KIF13A: variants seen among roughly 807,000 people sequenced by gnomAD.
KIF13A encodes kinesin family member 13A.
In KIF13A, 79 loss-of-function variants were observed where a neutral mutation model predicts 212.2. The ratio of observed to expected loss-of-function variants is 0.37; its 90% CI spans 0.31 to 0.45. The LOEUF (loss-of-function observed/expected upper bound fraction) is 0.45, where lower values mean the gene tolerates loss of function less well. KIF13A is among the 20% of genes least tolerant of loss of function. The probability of loss-of-function intolerance (pLI) is 1.00; values close to 1 mark genes in which losing one functional copy is unlikely to be tolerated. For missense variants in KIF13A, 1,901 were observed against 2,209.0 expected (o/e 0.86, Z 2.79); for synonymous variants, 789 against 808.6 (o/e 0.98, Z 0.41).
chr6:17,837,214 T>G lies in KIF13A; in HGVS notation c.943-124A>C. ...AAGGAAACATTATGTGGAAATGGAC[T>G]TGCATTTCACAAATAACGTCATGAC... On this transcript the variant is annotated intron_variant, in intron 10 of 38. Coordinates refer to ENST00000259711, the MANE Select transcript of KIF13A (RefSeq NM_022113.6). This position sits in a 1 kb window ranked among gnomAD's most constrained non-coding sequence, Gnocchi z 5.4. The G allele has an allele frequency of 3.4e-6, 3 of 878,632 alleles. No individual in the cohort carries two copies. Among genetic ancestry groups the G allele is most frequent in the Non-Finnish European group, 5.4e-6 (3 of 557,132 alleles). 54.4% of individuals were successfully genotyped at this position (878,632 alleles called of 1,614,324 possible).
chr6:17,939,861 A>G (rs1215148227), intron 2 of KIF13A, among the ~76,000 whole-genome samples: 1 of 151,976 alleles, frequency 6.6e-6, no homozygotes, highest in Non-Finnish European at 1.5e-5. Flanking sequence ...GACCACGGTG[A>G]AACCCCGTCT....
chr6:17,983,366 G>C (rs1311031449), intron 2 of KIF13A, among the ~76,000 whole-genome samples: 3 of 152,046 alleles, frequency 2.0e-5, no homozygotes, highest in African/African-American at 7.2e-5. Flanking sequence ...GGGGTGAAGA[G>C]GAAGACATTT....
intron 16 of KIF13A, among the ~76,000 whole-genome samples, chr6:17,821,265 C>T (rs1764408711): frequency 6.6e-6 from 1 of 152,136 alleles, no homozygotes; most frequent in Non-Finnish European, 1.5e-5. Flanking sequence ...TTATTGTCCA[C>T]AAATACTAGG....
chr6:17,972,438 T>A (rs1332884215), intron 2 of KIF13A, among the ~76,000 whole-genome samples: 1 of 152,244 alleles, frequency 6.6e-6, no homozygotes, highest in Non-Finnish European at 1.5e-5. Context: ...TATAAATCTT[T>A]ACACATTCTC....
At chr6:17,878,527 T>G (rs1434572127) in intron 3 of KIF13A, among the ~76,000 whole-genome samples, 1 of 152,102 alleles carries the variant, frequency 6.6e-6, no homozygotes, top group East Asian at 1.9e-4. Flanking sequence ...GCGATCCTCC[T>G]GTCTTGGCTT....
Position 17,947,275 on chromosome 6 carries a change from C to T in KIF13A, c.146+39779G>A, listed in dbSNP as rs1289614732. Among the ~76,000 whole-genome samples the T allele has an allele frequency of 6.6e-6, 1 of 152,066 alleles. No individual in the cohort carries two copies. The highest frequency in any genetic ancestry group is 1.5e-5 in the Non-Finnish European group (1 of 68,014). Reference sequence around the variant, plus strand: ...GTTGGGTGGTGATACAAGGTACTTACATTTTTTTCTTAACTGTTGAAACCA... The same window carrying T: ...GTTGGGTGGTGATACAAGGTACTTATATTTTTTTCTTAACTGTTGAAACCA... On this transcript the variant is annotated intron_variant, in intron 2 of 38. Transcript: ENST00000259711. The surrounding 1 kb of genome is among the most constrained non-coding windows in gnomAD (Gnocchi z 4.6).
At chr6:17,812,439 T>A (rs2150348609) in intron 17 of KIF13A, 1 of 152,328 alleles carries the variant, frequency 6.6e-6, no homozygotes, top group East Asian at 1.9e-4. Context: ...GTATCTGGTG[T>A]TCTGTTCCTG....
chr6:17,868,170 AATGTTCAC>A (rs1326304684), intron 4 of KIF13A, among the ~76,000 whole-genome samples: 1 of 152,242 alleles, frequency 6.6e-6, no homozygotes, highest in African/African-American at 2.4e-5. Flanking sequence ...CAGGCCAGGG[AATGTTCAC>A]ATCCACACTG....
intron 7 of KIF13A, among the ~76,000 whole-genome samples, chr6:17,851,631 A>G (rs1767662590): frequency 6.6e-6 from 1 of 152,360 alleles, no homozygotes; most frequent in Non-Finnish European, 1.5e-5. Flanking sequence ...ACTGCCAAAT[A>G]CTGTTTAGAA....
At chr6:17,791,234 G>C (rs75595136) in intron 25 of KIF13A, among the ~76,000 whole-genome samples, 5 of 151,898 alleles carry the variant, frequency 3.3e-5, no homozygotes, top group Admixed American at 3.3e-4. Flanking sequence ...AGAACAAATG[G>C]CTCTAATTTA....
rs1167667229 is a variant in KIF13A, at chr6:17,918,968, G to A, written c.147-20788C>T. On this transcript the variant is annotated intron_variant, in intron 2 of 38. Coordinates refer to ENST00000259711, the MANE Select transcript of KIF13A (RefSeq NM_022113.6). This position sits in a 1 kb window ranked among gnomAD's most constrained non-coding sequence, Gnocchi z 4.8. ...CGGAAAGAGAGGCTTTGTCTATCTT[G>A]TTCTCTGATACATTCCCAGTGCCTA... is the stretch of plus-strand genomic sequence containing the variant. Among the ~76,000 whole-genome samples, 1 of 152,152 alleles carries A rather than the reference G, an allele frequency of 6.6e-6. No individual in the cohort carries two copies.
rs1026915626 is a variant in KIF13A, at chr6:17,837,264, T to G, written c.943-174A>C. On this transcript the variant is annotated intron_variant, in intron 10 of 38. Coordinates refer to ENST00000259711, the MANE Select transcript of KIF13A (RefSeq NM_022113.6). This position sits in a 1 kb window ranked among gnomAD's most constrained non-coding sequence, Gnocchi z 5.4. Reference sequence around the variant, plus strand: ...CAAGATGAAATGTGTCCTCTCTATATTCAAGCAATGAATAAGGCCTGTCAA... The same window carrying G: ...CAAGATGAAATGTGTCCTCTCTATAGTCAAGCAATGAATAAGGCCTGTCAA... Among the ~76,000 whole-genome samples the G allele has an allele frequency of 6.6e-6, 1 of 152,276 alleles. No individual in the cohort carries two copies. Among genetic ancestry groups the G allele is most frequent in the Non-Finnish European group, 1.5e-5 (1 of 68,046 alleles).
Position 17,912,428 on chromosome 6 carries a change from G to A in KIF13A, c.147-14248C>T, listed in dbSNP as rs1561753908. ...ACAGCATCAGCCTGCCTGACCTTCCGTAGGACGCAGGTTTGAATCAGACAC... is the reference window on the plus strand; with the variant it reads ...ACAGCATCAGCCTGCCTGACCTTCCATAGGACGCAGGTTTGAATCAGACAC... On this transcript the variant is annotated intron_variant, in intron 2 of 38. Coordinates refer to ENST00000259711, the MANE Select transcript of KIF13A (RefSeq NM_022113.6). The surrounding 1 kb of genome is among the most constrained non-coding windows in gnomAD (Gnocchi z 4.2). 2.6e-5 allele frequency among the ~76,000 whole-genome samples: 4 copies of A among 152,126 alleles called. No individual in the cohort carries two copies. The highest frequency in any genetic ancestry group is 3.8e-4 in the East Asian group (2 of 5,196).
Position 17,829,308 on chromosome 6 carries a change from T to C in KIF13A, c.1402-938A>G, listed in dbSNP as rs1363034106. 6.6e-6 allele frequency among the ~76,000 whole-genome samples: 1 copy of C among 152,196 alleles called. No individual in the cohort carries two copies. The highest frequency in any genetic ancestry group is 1.5e-5 in the Non-Finnish European group (1 of 68,036). On this transcript the variant is annotated intron_variant, in intron 13 of 38. Coordinates refer to ENST00000259711, the MANE Select transcript of KIF13A (RefSeq NM_022113.6). The surrounding 1 kb of genome is among the most constrained non-coding windows in gnomAD (Gnocchi z 5.4). ...GGCTATAATATCATTACATGTCTCA[T>C]AGACTCCGGAAAACTCCACCAATAC...
intron 3 of KIF13A, among the ~76,000 whole-genome samples, chr6:17,894,160 C>G (rs1416201644): frequency 6.4e-5 from 8 of 125,860 alleles, no homozygotes; most frequent in Admixed American, 4.8e-4. Flanking sequence ...TTTTTTGAGA[C>G]AGGGTTCTGT....
At chr6:17,782,137 G>A (rs1045773807) in intron 29 of KIF13A, among the ~76,000 whole-genome samples, 5 of 151,350 alleles carry the variant, frequency 3.3e-5, no homozygotes, top group East Asian at 2.0e-4. Context: ...GGGTTTCACC[G>A]CGTTGGCCAG....
chr6:17,771,325 A>G lies in KIF13A; in HGVS notation c.4477-107T>C. ...AAAGCAATGCTAACACTCTTATTACATGTGAGTAATGCAGCAGCCAATTCT... is the reference window on the plus strand; with the variant it reads ...AAAGCAATGCTAACACTCTTATTACGTGTGAGTAATGCAGCAGCCAATTCT... On this transcript the variant is annotated intron_variant, in intron 37 of 38. Coordinates refer to ENST00000259711, the MANE Select transcript of KIF13A (RefSeq NM_022113.6). This position sits in a 1 kb window ranked among gnomAD's most constrained non-coding sequence, Gnocchi z 5.4. 8.7e-6 allele frequency: 6 copies of G among 693,540 alleles called. No homozygotes were observed. The South Asian group carries it at 1.0e-4, about 12-fold the overall frequency. The allele number at this position is 693,540 out of a possible 1,614,324, so 43.0% of individuals were successfully genotyped here. A position where few individuals can be genotyped will look rare whatever the true frequency, so the allele number is the denominator to read the frequency against.
chr6:17,903,700 A>C (rs1384236187), intron 2 of KIF13A, among the ~76,000 whole-genome samples: 1 of 152,158 alleles, frequency 6.6e-6, no homozygotes, highest in African/African-American at 2.4e-5. Flanking sequence ...AAAGACAGGG[A>C]AGACTGACAG....
chr6:17,932,821 G>T (rs1776124319), intron 2 of KIF13A, among the ~76,000 whole-genome samples: 1 of 152,026 alleles, frequency 6.6e-6, no homozygotes, highest in Admixed American at 6.6e-5. Context: ...AAAAAAACTG[G>T]GGTAAGTGGC....
Sources: gnomAD v4.1 joint callset for allele counts (sites outside exome capture counted in the v4.1 genomes callset) on GRCh38, gnomAD v4.1.1 for gene constraint, Gnocchi (gnomAD v3.1) non-coding constraint, MANE v1.5 for transcripts, NCBI Gene and HGNC (gene_info 2026-07-23, HGNC 2026-07-21) for gene names.